PEX14: variants seen among roughly 807,000 people sequenced by gnomAD.
The protein encoded by PEX14 is peroxisomal membrane protein PEX14.
Under a neutral mutation model 49.5 loss-of-function variants are expected in PEX14, and 15 were observed. The observed-to-expected ratio is 0.30, with a 90% confidence interval of 0.20 to 0.47. The LOEUF (loss-of-function observed/expected upper bound fraction) is 0.47, where lower values mean the gene tolerates loss of function less well. Among genes scored for constraint, PEX14 ranks in the 20% least tolerant of loss-of-function variants. The pLI, the probability that PEX14 is intolerant of heterozygous loss-of-function variation, is 1.00. For synonymous variants in PEX14, 210 were observed against 212.7 expected, an observed-to-expected ratio of 0.99 and a Z score of 0.11; for missense variants, 398 against 494.8, an observed-to-expected ratio of 0.80 and a Z score of 1.86.
intron 1 of PEX14, among the ~76,000 whole-genome samples, chr1:10,492,114 A>G (rs116649283): frequency 0.023 from 3,553 of 152,282 alleles, 143 homozygotes; most frequent in African/African-American, 0.077. Flanking sequence ...TTCTAAAACA[A>G]TTCATTTACA....
In PEX14 at chr1:10,587,661, C is replaced by T. The variant is rs537424416; in HGVS notation, c.170-11577C>T. On this transcript the variant is annotated intron_variant, in intron 3 of 8. Transcript: ENST00000356607. ...CATGTACAAGTGGTATATTCAAGGT[C>T]CTTTATTATGGCTTTGTTTGTAGCA... Among the ~76,000 whole-genome samples the T allele has an allele frequency of 2.6e-5, 4 of 152,040 alleles. No individual in the cohort carries two copies. In the South Asian group the frequency reaches 8.3e-4, roughly 32 times the overall value.
intron 3 of PEX14, among the ~76,000 whole-genome samples, chr1:10,585,778 C>G (rs973261177): frequency 2.6e-5 from 4 of 152,356 alleles, no homozygotes; most frequent in Admixed American, 1.3e-4. Context: ...TGCCTGTAAT[C>G]CCAGCTACTC....
chr1:10,490,086 G>A (rs1641444316), intron 1 of PEX14, among the ~76,000 whole-genome samples: 1 of 152,186 alleles, frequency 6.6e-6, no homozygotes, highest in Non-Finnish European at 1.5e-5. Context: ...TGAGGTGGTG[G>A]TATTATTCCC....
At chr1:10,582,094 C>A (rs1217753451) in intron 3 of PEX14, among the ~76,000 whole-genome samples, 1 of 151,326 alleles carries the variant, frequency 6.6e-6, no homozygotes, top group African/African-American at 2.4e-5. Context: ...AATTTTATTT[C>A]CTGCTTTATT....
At chr1:10,592,196 C>G (rs1378820742) in intron 3 of PEX14, among the ~76,000 whole-genome samples, 1 of 152,118 alleles carries the variant, frequency 6.6e-6, no homozygotes, top group Non-Finnish European at 1.5e-5. Context: ...AGCAGAGATT[C>G]CTGATTACCC....
chr1:10,620,993 A>C (rs1024122052), intron 5 of PEX14, among the ~76,000 whole-genome samples: 2 of 152,188 alleles, frequency 1.3e-5, no homozygotes, highest in African/African-American at 4.8e-5. Flanking sequence ...CCACCCATGG[A>C]GGGCCTGTGG....
intron 3 of PEX14, among the ~76,000 whole-genome samples, chr1:10,588,007 G>A (rs1327662208): frequency 6.8e-6 from 1 of 146,576 alleles, no homozygotes; most frequent in African/African-American, 2.5e-5. Flanking sequence ...AGTAGATCAC[G>A]AGGTCAGGAG....
At chr1:10,528,862 C>G (rs1638563949) in intron 2 of PEX14, among the ~76,000 whole-genome samples, 1 of 152,208 alleles carries the variant, frequency 6.6e-6, no homozygotes, top group African/African-American at 2.4e-5. Context: ...CTCCAACTTG[C>G]AGCCAGCTCG....
At chr1:10,527,104 C>T (rs1356636167) in intron 2 of PEX14, among the ~76,000 whole-genome samples, 5 of 150,814 alleles carry the variant, frequency 3.3e-5, no homozygotes, top group Non-Finnish European at 1.5e-5. Context: ...GTCCCAGCTA[C>T]TCAGGAGGCT....
intron 2 of PEX14, among the ~76,000 whole-genome samples, chr1:10,531,132 G>A (rs1423442029): frequency 2.0e-5 from 3 of 152,142 alleles, no homozygotes; most frequent in African/African-American, 4.8e-5. Context: ...GTTGTCCTAG[G>A]ACCCTGGATC....
chr1:10,614,960 G>A (rs1000038150), intron 4 of PEX14, among the ~76,000 whole-genome samples: 1 of 152,328 alleles, frequency 6.6e-6, no homozygotes, highest in Admixed American at 6.5e-5. Flanking sequence ...CCAAGTGCCC[G>A]GCTCCTTGGG....
intron 3 of PEX14, among the ~76,000 whole-genome samples, chr1:10,568,157 C>A (rs1639862304): frequency 6.6e-6 from 1 of 152,108 alleles, no homozygotes; most frequent in Non-Finnish European, 1.5e-5. Context: ...TACTACTTTT[C>A]TTGTCCAGTT....
chr1:10,514,297 G>A lies in PEX14; in HGVS notation c.84+18976G>A, dbSNP rs188235604. ...AGGTTGATTTGTACGGTGCTGCTCA[G>A]CCCACGTATTGTGCATCTGTATGTG... On this transcript the variant is annotated intron_variant, in intron 2 of 8. Transcript: ENST00000356607. This position sits in a 1 kb window ranked among gnomAD's most constrained non-coding sequence, Gnocchi z 4.4. Among the ~76,000 whole-genome samples the A allele has an allele frequency of 5.3e-4, 81 of 152,002 alleles. No homozygotes were observed. The highest frequency in any genetic ancestry group is 8.8e-4 in the Non-Finnish European group (60 of 67,964).
At chr1:10,553,721 C>T (rs2124515266) in intron 3 of PEX14, among the ~76,000 whole-genome samples, 1 of 152,290 alleles carries the variant, frequency 6.6e-6, no homozygotes, top group African/African-American at 2.4e-5. Context: ...CCACTGAAAA[C>T]TCAGCTTCCA....
intron 4 of PEX14, among the ~76,000 whole-genome samples, chr1:10,606,056 T>A (rs1479238357): frequency 2.0e-5 from 3 of 152,234 alleles, no homozygotes; most frequent in Non-Finnish European, 4.4e-5. Flanking sequence ...GTTAGGATTC[T>A]GGCTGTGCTG....
intron 3 of PEX14, among the ~76,000 whole-genome samples, chr1:10,559,260 T>C (rs894560488): frequency 2.6e-5 from 4 of 152,178 alleles, no homozygotes; most frequent in African/African-American, 9.7e-5. Flanking sequence ...ATGAAGAGCA[T>C]AGGAATATAA....
chr1:10,519,806 C>T (rs906888952), intron 2 of PEX14, among the ~76,000 whole-genome samples: 41 of 152,334 alleles, frequency 2.7e-4, no homozygotes, highest in Admixed American at 1.8e-3. Context: ...GACACAGGGA[C>T]TTGCTGTGCT....
chr1:10,495,160 G>C lies in PEX14; in HGVS notation c.37-114G>C, dbSNP rs935691789. On this transcript the variant is annotated intron_variant, in intron 1 of 8. Coordinates refer to ENST00000356607, the MANE Select transcript of PEX14 (RefSeq NM_004565.3). This position sits in a 1 kb window ranked among gnomAD's most constrained non-coding sequence, Gnocchi z 4.2. ...CTCTTGTGTCGTGAAAAACCAGTGA[G>C]AGATGTGAGAAAGAGGTGCCAGCGT... 26 of 1,574,542 alleles carry C rather than the reference G, an allele frequency of 1.7e-5. No individual in the cohort carries two copies. The African/African-American group carries it at 3.2e-4, about 20-fold the overall frequency.
At chr1:10,581,015 T>C (rs1570301956) in intron 3 of PEX14, among the ~76,000 whole-genome samples, 1 of 152,274 alleles carries the variant, frequency 6.6e-6, no homozygotes, top group African/African-American at 2.4e-5. Flanking sequence ...ATGTTATGCT[T>C]CTAGTGGAGG....
Sources: allele counts gnomAD v4.1 joint callset (sites outside exome capture counted in the v4.1 genomes callset), GRCh38; gene constraint gnomAD v4.1.1; non-coding constraint Gnocchi (gnomAD v3.1); transcripts MANE v1.5; gene names NCBI Gene and HGNC (gene_info 2026-07-23, HGNC 2026-07-21).